Variants in LAMA1 observed in about 807,000 individuals in gnomAD.
The protein encoded by LAMA1 is laminin subunit alpha 1.
Under a neutral mutation model 348.7 loss-of-function variants are expected in LAMA1, and 219 were observed. The observed-to-expected ratio is 0.63, with a 90% CI of 0.56 to 0.70. The LOEUF (loss-of-function observed/expected upper bound fraction) is 0.70, where lower values mean the gene tolerates loss of function less well. Ranked by LOEUF, LAMA1 falls within the 30% of genes least tolerant of loss-of-function variation. The pLI, the probability that LAMA1 is intolerant of heterozygous loss-of-function variation, is 0.00. For synonymous variants in LAMA1, 1,487 were observed against 1,491.0 expected (o/e 1.00, Z 0.06); for missense variants, 3,744 against 3,888.0 (o/e 0.96, Z 0.99).
intron 16 of LAMA1, among the ~76,000 whole-genome samples, chr18:7,029,754 A>C (rs1360794961): frequency 1.3e-5 from 2 of 152,306 alleles, no homozygotes; most frequent in East Asian, 3.9e-4. Flanking sequence ...CTCTTTTCTA[A>C]ATCATGCCAA....
intron 22 of LAMA1, among the ~76,000 whole-genome samples, chr18:7,014,346 C>T (rs1232191314): frequency 2.6e-5 from 4 of 152,296 alleles, no homozygotes; most frequent in Non-Finnish European, 5.9e-5. Flanking sequence ...TCAGGCCAGG[C>T]ACAGTGGTTC....
intron 48 of LAMA1, among the ~76,000 whole-genome samples, chr18:6,966,849 A>C (rs11872715): frequency 0.036 from 5,407 of 152,308 alleles, 318 homozygotes; most frequent in African/African-American, 0.12. Context: ...ACGTAGGTTG[A>C]AACAGGGATA....
At chr18:7,078,344 T>C (rs1295970863) in intron 3 of LAMA1, among the ~76,000 whole-genome samples, 3 of 151,218 alleles carry the variant, frequency 2.0e-5, no homozygotes, top group Non-Finnish European at 4.4e-5. Context: ...TTTTTTGTAT[T>C]TTTAGTAAAG....
At chr18:7,097,805 C>CA (rs1202057359) in intron 1 of LAMA1, among the ~76,000 whole-genome samples, 1 of 152,090 alleles carries the variant, frequency 6.6e-6, no homozygotes, top group Non-Finnish European at 1.5e-5. Context: ...TATCTATATG[C>CA]AAAAAATGAA....
intron 8 of LAMA1, chr18:7,042,937 C>T (rs2058026974): frequency 8.0e-6 from 3 of 374,960 alleles, no homozygotes; most frequent in South Asian, 4.1e-5. Context: ...AGGCAAGAGA[C>T]AGCTGCTTTA....
rs903112487 is a variant in LAMA1, at chr18:7,083,525, T to C, written c.62-3068A>G. On this transcript the variant is annotated intron_variant, in intron 1 of 62. Coordinates refer to ENST00000389658, the MANE Select transcript of LAMA1 (RefSeq NM_005559.4). ...AATAAAAAGAAAGATTGCTTTTTTA[T>C]TGAAAGTATATTTAGAAGAAATATA... 2.0e-5 allele frequency among the ~76,000 whole-genome samples: 3 copies of C among 152,256 alleles called. No homozygotes were observed. The East Asian group carries it at 5.8e-4, about 29-fold the overall frequency.
chr18:7,018,483 C>T (rs888377484), intron 19 of LAMA1, among the ~76,000 whole-genome samples: 43 of 150,368 alleles, frequency 2.9e-4, no homozygotes, highest in Admixed American at 2.6e-3. Flanking sequence ...GCAAGCTCCG[C>T]CTTTCGGGTT....
intron 23 of LAMA1, 128 bp downstream of exon 23, chr18:7,013,687 T>G: frequency 1.2e-6 from 1 of 818,104 alleles, no homozygotes; most frequent in South Asian, 1.5e-5. Context: ...TGAACTCAGA[T>G]GCGGAAGGGA....
chr18:7,109,394 C>G (rs1365440527), intron 1 of LAMA1, among the ~76,000 whole-genome samples: 1 of 152,200 alleles, frequency 6.6e-6, no homozygotes, highest in Admixed American at 6.5e-5. Context: ...CTTTTTGACA[C>G]TGGCTCATGT....
chr18:7,065,890 T>G (rs1171621642), intron 3 of LAMA1, among the ~76,000 whole-genome samples: 3 of 152,184 alleles, frequency 2.0e-5, no homozygotes, highest in Non-Finnish European at 4.4e-5. Context: ...TCCGAAACAG[T>G]CAGGCCAGAG....
Position 7,011,465 on chromosome 18 carries a change from G to C in LAMA1, c.3522C>G (p.Ser1174=). Residue 1174 remains serine (S), a synonymous_variant, in exon 25 of 63, where the codon TCC becomes TCG. Transcript: ENST00000389658. ...DYVRTPVTLG[S]DQPLLRVVSQ... Reference sequence around the variant, plus strand: ...AAACCACACGCAGAAGAGGCTGATCGGAGCCCAGCGTTACCTAAACCACGA... The same window carrying C: ...AAACCACACGCAGAAGAGGCTGATCCGAGCCCAGCGTTACCTAAACCACGA... 1.2e-6 allele frequency: 2 copies of C among 1,604,764 alleles called. No individual in the cohort carries two copies. Among genetic ancestry groups the C allele is most frequent in the Non-Finnish European group, 1.7e-6 (2 of 1,175,976 alleles).
intron 23 of LAMA1, among the ~76,000 whole-genome samples, chr18:7,013,185 C>T (rs577756882): frequency 3.9e-5 from 6 of 151,926 alleles, no homozygotes; most frequent in South Asian, 2.1e-4. Context: ...AGGCCGAAAA[C>T]GGGGAGACTG....
chr18:7,081,164 CA>C (rs1207389580), intron 1 of LAMA1, among the ~76,000 whole-genome samples: 2 of 151,472 alleles, frequency 1.3e-5, no homozygotes, highest in African/African-American at 4.8e-5. Context: ...TCAAAAACAA[CA>C]ACAAAAAAAA....
At chr18:6,942,950 A>G (rs2057505970) in intron 62 of LAMA1, among the ~76,000 whole-genome samples, 1 of 152,190 alleles carries the variant, frequency 6.6e-6, no homozygotes, top group Non-Finnish European at 1.5e-5. Flanking sequence ...GGCTGCCTTT[A>G]TATCAGACCC....
At chr18:6,960,886 G>C (rs1000322938) in intron 53 of LAMA1, among the ~76,000 whole-genome samples, 2 of 149,656 alleles carry the variant, frequency 1.3e-5, no homozygotes, top group Non-Finnish European at 2.9e-5. Flanking sequence ...CATTCCCCTT[G>C]CAGCATGGTT....
rs1390186514 is a variant in LAMA1, at chr18:6,964,831, A to G, written c.7196-28T>C. 2.5e-6 allele frequency: 4 copies of G among 1,613,408 alleles called. No individual in the cohort carries two copies. In the African/African-American group the frequency reaches 5.3e-5, roughly 22 times the overall value. On this transcript the variant is annotated intron_variant, in intron 50 of 62. Transcript: ENST00000389658. ...AAAAGGAGAGCACAGGCAAGAGATA[A>G]GAAAAGGAAAATCCCTTTCCATGTT...
intron 3 of LAMA1, among the ~76,000 whole-genome samples, chr18:7,071,186 C>G (rs1474621475): frequency 6.6e-6 from 1 of 152,208 alleles, no homozygotes; most frequent in Non-Finnish European, 1.5e-5. Context: ...AACCAGAGGT[C>G]CTGGTTTCCA....
intron 3 of LAMA1, among the ~76,000 whole-genome samples, chr18:7,073,422 T>TC (rs2058153976): frequency 6.6e-6 from 1 of 152,116 alleles, no homozygotes; most frequent in African/African-American, 2.4e-5. Context: ...TTCTCTCTCC[T>TC]CCCAGCTCCT....
In LAMA1 at chr18:7,031,230, G is replaced by A. The variant is rs1016013265; in HGVS notation, c.2274+836C>T. ...CAGGCGACCAGGGTACAGCTGATCAGCATATGCAGTCACTCCACCTCTGAG... is the reference window on the plus strand; with the variant it reads ...CAGGCGACCAGGGTACAGCTGATCAACATATGCAGTCACTCCACCTCTGAG... On this transcript the variant is annotated intron_variant, in intron 16 of 62. Coordinates refer to ENST00000389658, the MANE Select transcript of LAMA1 (RefSeq NM_005559.4). Among the ~76,000 whole-genome samples the A allele has an allele frequency of 2.6e-5, 4 of 152,196 alleles. No homozygotes were observed. The East Asian group carries it at 7.7e-4, about 29-fold the overall frequency.
Sources: allele counts gnomAD v4.1 joint callset (sites outside exome capture counted in the v4.1 genomes callset), GRCh38; gene constraint gnomAD v4.1.1; transcripts MANE v1.5; gene names NCBI Gene and HGNC (gene_info 2026-07-23, HGNC 2026-07-21).